Variants in PRKN observed in about 807,000 individuals in gnomAD.
PRKN encodes the protein E3 ubiquitin-protein ligase parkin.
In PRKN, 56 loss-of-function variants were observed where a neutral mutation model predicts 59.5. The observed-to-expected ratio is 0.94, with a 90% CI of 0.76 to 1.18. The LOEUF is 1.18. Among genes scored for constraint, PRKN ranks in the 50% most tolerant of loss-of-function variants. The pLI is 0.00. For synonymous variants in PRKN, 250 were observed against 222.1 expected, an observed-to-expected ratio of 1.13 and a Z score of -1.12; for missense variants, 657 against 596.4, an observed-to-expected ratio of 1.10 and a Z score of -1.06.
intron 1 of PRKN, among the ~76,000 whole-genome samples, chr6:162,467,612 C>T (rs1251521764): frequency 1.3e-5 from 2 of 152,154 alleles, no homozygotes; most frequent in Non-Finnish European, 2.9e-5. Context: ...TCTTTTGAAT[C>T]AGAGCAATAC....
At chr6:162,488,997 T>C (rs765424462) in intron 1 of PRKN, among the ~76,000 whole-genome samples, 1 of 152,082 alleles carries the variant, frequency 6.6e-6, no homozygotes, top group Non-Finnish European at 1.5e-5. Context: ...AAGCCACCAC[T>C]CCTGAAACTT....
intron 2 of PRKN, among the ~76,000 whole-genome samples, chr6:162,396,265 C>G (rs1032032588): frequency 6.6e-6 from 1 of 152,144 alleles, no homozygotes; most frequent in African/African-American, 2.4e-5. Context: ...AGTGGATTGT[C>G]ATTTTAGGAT....
At chr6:162,585,253 T>C (rs1314797159) in intron 1 of PRKN, among the ~76,000 whole-genome samples, 1 of 152,088 alleles carries the variant, frequency 6.6e-6, no homozygotes, top group African/African-American at 2.4e-5. Context: ...TTATCGTAAG[T>C]ACTTTTAACT....
intron 4 of PRKN, among the ~76,000 whole-genome samples, chr6:162,100,306 T>C (rs979078698): frequency 6.6e-6 from 1 of 152,160 alleles, no homozygotes; most frequent in Non-Finnish European, 1.5e-5. Context: ...GTGAGACCAC[T>C]GGGTCATATG....
intron 6 of PRKN, among the ~76,000 whole-genome samples, chr6:161,789,573 G>A (rs777803298): frequency 3.3e-5 from 5 of 152,086 alleles, no homozygotes; most frequent in Non-Finnish European, 5.9e-5. Flanking sequence ...AACTTTCTCT[G>A]GAGCCTAACA....
chr6:162,384,665 A>AC (rs1453024783), intron 2 of PRKN, among the ~76,000 whole-genome samples: 82 of 68,414 alleles, frequency 1.2e-3, no homozygotes, highest in Middle Eastern at 7.2e-3. Context: ...AAAAAAAACA[A>AC]AAAAAAAAAA....
chr6:161,544,047 G>C lies in PRKN; in HGVS notation c.1083+4807C>G, dbSNP rs1015631433. Reference sequence around the variant, plus strand: ...AAAAATAGGATCTAGGGTTAGCAGAGTGAGGCTAGACTAGTATTTGGTACC... The same window carrying C: ...AAAAATAGGATCTAGGGTTAGCAGACTGAGGCTAGACTAGTATTTGGTACC... On this transcript the variant is annotated intron_variant, in intron 9 of 11. Transcript: ENST00000366898. This position sits in a 1 kb window ranked among gnomAD's most constrained non-coding sequence, Gnocchi z 5.5. Among the ~76,000 whole-genome samples the C allele has an allele frequency of 2.0e-5, 3 of 152,214 alleles. No homozygotes were observed. The highest frequency in any genetic ancestry group is 2.0e-4 in the Admixed American group (3 of 15,274).
rs1362057296 is a variant in PRKN at position 161,351,154 on chromosome 6, T to C, written c.1286-943A>G. Among the ~76,000 whole-genome samples, 3 of 132,640 alleles carry C rather than the reference T, an allele frequency of 2.3e-5. No homozygotes were observed. The South Asian group carries it at 6.5e-4, about 29-fold the overall frequency. 87.0% of individuals were successfully genotyped at this position (132,640 alleles called of 152,430 possible). On this transcript the variant is annotated intron_variant, in intron 11 of 11. Transcript: ENST00000366898. ...TATATATTTATATTTAAAATATATA[T>C]AAATATATTTATATTTAAATATATT...
chr6:161,907,715 G>C (rs749399154), intron 6 of PRKN, among the ~76,000 whole-genome samples: 2 of 152,182 alleles, frequency 1.3e-5, no homozygotes, highest in Non-Finnish European at 2.9e-5. Context: ...TGTATTTGCT[G>C]AGATCGAAAG....
intron 7 of PRKN, among the ~76,000 whole-genome samples, chr6:161,652,121 C>A (rs1784171714): frequency 6.6e-6 from 1 of 152,230 alleles, no homozygotes; most frequent in Non-Finnish European, 1.5e-5. Flanking sequence ...CATAGTGCAG[C>A]ACTTTAGTTT....
intron 9 of PRKN, among the ~76,000 whole-genome samples, chr6:161,528,676 T>C (rs114488662): frequency 0.014 from 2,167 of 152,266 alleles, 17 homozygotes; most frequent in Middle Eastern, 0.037. Context: ...TGTTGCGAGA[T>C]ACATGGGATT....
chr6:161,959,737 G>A (rs952037485), intron 6 of PRKN, among the ~76,000 whole-genome samples: 6 of 152,102 alleles, frequency 3.9e-5, no homozygotes, highest in South Asian at 4.2e-4. Context: ...TATATTTCCC[G>A]AGAACAGGAT....
At chr6:162,237,892 A>AC (rs1261916572) in intron 3 of PRKN, among the ~76,000 whole-genome samples, 2 of 152,112 alleles carry the variant, frequency 1.3e-5, no homozygotes. Context: ...CAGTCCAGGG[A>AC]CCAGAGGATC....
intron 1 of PRKN, among the ~76,000 whole-genome samples, chr6:162,612,193 A>C (rs1782211348): frequency 2.1e-4 from 1 of 4,706 alleles, no homozygotes; most frequent in Admixed American, 2.3e-3. Context: ...ACTCCATCTC[A>C]AAAAAAAAAA....
At chr6:161,647,956 A>G (rs1280384862) in intron 7 of PRKN, among the ~76,000 whole-genome samples, 1 of 152,264 alleles carries the variant, frequency 6.6e-6, no homozygotes, top group African/African-American at 2.4e-5. Flanking sequence ...TTGCTGGAAT[A>G]AAATCAATAG....
chr6:161,733,800 A>ATATATACG lies in PRKN; in HGVS notation c.871+51971_871+51972insCGTATATA, dbSNP rs1787841704. Among the ~76,000 whole-genome samples the ATATATACG allele has an allele frequency of 5.0e-5, 2 of 39,924 alleles. 1 individual carries two copies. Among genetic ancestry groups the ATATATACG allele is most frequent in the African/African-American group, 1.5e-4 (2 of 13,120 alleles). 26.2% of individuals were successfully genotyped at this position (39,924 alleles called of 152,430 possible). A position where few individuals can be genotyped will look rare whatever the true frequency, so the allele number is the denominator to read the frequency against. On this transcript the variant is annotated intron_variant, in intron 7 of 11. Coordinates refer to ENST00000366898, the MANE Select transcript of PRKN (RefSeq NM_004562.3). ...AAAAAAAAAATATATATATATATGTATATATATATATATATATATATGTAT... is the reference window on the plus strand; with the variant it reads ...AAAAAAAAAATATATATATATATGTATATATACGTATATATATATATATATATATGTAT...
In PRKN at chr6:162,362,630, T is replaced by C. The variant is rs189729829; in HGVS notation, c.171+80680A>G. Reference sequence around the variant, plus strand: ...TTCTGTTAGATAAATCAGACTAACATGGGAGACATTGTAAATATTAAGAAA... The same window carrying C: ...TTCTGTTAGATAAATCAGACTAACACGGGAGACATTGTAAATATTAAGAAA... On this transcript the variant is annotated intron_variant, in intron 2 of 11. Transcript: ENST00000366898. 3.5e-4 allele frequency among the ~76,000 whole-genome samples: 53 copies of C among 152,236 alleles called. No homozygotes were observed. The East Asian group carries it at 0.01, about 29-fold the overall frequency.
intron 4 of PRKN, among the ~76,000 whole-genome samples, chr6:162,171,255 G>GA (rs1783259301): frequency 6.6e-6 from 1 of 152,136 alleles, no homozygotes; most frequent in East Asian, 1.9e-4. Context: ...GAGGATAGAA[G>GA]AAATAGGTGA....
chr6:161,347,918 C>G lies in PRKN; in HGVS notation c.*2181G>C, dbSNP rs1362996531. 6.1e-6 allele frequency: 1 copy of G among 164,400 alleles called. No individual in the cohort carries two copies. Among genetic ancestry groups the G allele is most frequent in the Non-Finnish European group, 1.3e-5 (1 of 75,260 alleles). 10.2% of individuals were successfully genotyped at this position (164,400 alleles called of 1,614,324 possible). A position where few individuals can be genotyped will look rare whatever the true frequency, so the allele number is the denominator to read the frequency against. ...GGCATGAGCCACCGCGCCCGGCCTGCTCTAACTTATTTTAAGAATCACTGT... is the reference window on the plus strand; with the variant it reads ...GGCATGAGCCACCGCGCCCGGCCTGGTCTAACTTATTTTAAGAATCACTGT... On this transcript the variant is annotated 3_prime_UTR_variant, in exon 12 of 12. Transcript: ENST00000366898.
Sources: allele counts gnomAD v4.1 joint callset (sites outside exome capture counted in the v4.1 genomes callset), GRCh38; gene constraint gnomAD v4.1.1; non-coding constraint Gnocchi (gnomAD v3.1); transcripts MANE v1.5; gene names NCBI Gene and HGNC (gene_info 2026-07-23, HGNC 2026-07-21).